LIN7A: variants seen among roughly 807,000 people sequenced by gnomAD.
LIN7A encodes the protein protein lin-7 homolog A.
In LIN7A, 25 loss-of-function variants were observed where a neutral mutation model predicts 29.8. The observed-to-expected ratio is 0.84, with a 90% confidence interval of 0.61 to 1.17. The LOEUF is 1.17. Ranked by LOEUF, LIN7A falls within the 50% of genes most tolerant of loss-of-function variation. The pLI is 0.00. For missense variants in LIN7A, 239 were observed against 287.0 expected (o/e 0.83, Z 1.21); for synonymous variants, 118 against 107.5 (o/e 1.10, Z -0.60).
At chr12:80,886,072 T>C (rs1223265388) in intron 2 of LIN7A, among the ~76,000 whole-genome samples, 1 of 152,138 alleles carries the variant, frequency 6.6e-6, no homozygotes, top group Non-Finnish European at 1.5e-5. Context: ...TCATTTTTGT[T>C]CTTTTCTCTG....
intron 1 of LIN7A, among the ~76,000 whole-genome samples, chr12:80,907,083 G>GTGTGTGTGTGTGTGTGTT (rs1313891794): frequency 6.7e-6 from 1 of 149,976 alleles, no homozygotes; most frequent in African/African-American, 2.4e-5. Flanking sequence ...GTGTGTGTGT[G>GTGTGTGTGTGTGTGTGTT]TGTGTGTGTG....
intron 1 of LIN7A, among the ~76,000 whole-genome samples, chr12:80,927,953 C>T (rs930084129): frequency 5.9e-5 from 9 of 152,000 alleles, no homozygotes; most frequent in Admixed American, 2.6e-4. Context: ...TGAGAATATG[C>T]GGTGTTTGGT....
rs1871329640 is a variant in LIN7A, at chr12:80,812,329, AAAAG to A, written c.484-650_484-647del. ...CATAAAAACATAAAGTAACTAAAAT[AAAAG>A]AAAGGTGAACATTAATCATTTTTCA... On this transcript the variant is annotated intron_variant, in intron 4 of 5. Coordinates refer to ENST00000552864, the MANE Select transcript of LIN7A (RefSeq NM_004664.4). 2.6e-5 allele frequency among the ~76,000 whole-genome samples: 4 copies of A among 152,158 alleles called. No individual in the cohort carries two copies. The South Asian group carries it at 8.3e-4, about 31-fold the overall frequency.
intron 2 of LIN7A, among the ~76,000 whole-genome samples, chr12:80,877,760 T>G (rs1341496129): frequency 6.6e-6 from 1 of 152,178 alleles, no homozygotes; most frequent in Non-Finnish European, 1.5e-5. Flanking sequence ...AATGTCTATT[T>G]GTAACTTAAC....
chr12:80,877,999 C>G (rs1358989305), intron 2 of LIN7A, among the ~76,000 whole-genome samples: 1 of 152,134 alleles, frequency 6.6e-6, no homozygotes, highest in Admixed American at 6.5e-5. Context: ...TCCAAGGACT[C>G]TATTATTTTG....
At chr12:80,929,104 A>C (rs186781906) in intron 1 of LIN7A, among the ~76,000 whole-genome samples, 6 of 152,280 alleles carry the variant, frequency 3.9e-5, no homozygotes, top group African/African-American at 1.4e-4. Context: ...TGTTGGTGCA[A>C]AAGTAATTGC....
intron 4 of LIN7A, chr12:80,841,873 G>A: frequency 9.8e-7 from 1 of 1,017,250 alleles, no homozygotes; most frequent in Non-Finnish European, 1.2e-6. Context: ...AATTCTTACT[G>A]TAACATTTTG....
intron 1 of LIN7A, among the ~76,000 whole-genome samples, chr12:80,915,446 G>T (rs78137570): frequency 6.6e-6 from 1 of 152,138 alleles, no homozygotes; most frequent in Non-Finnish European, 1.5e-5. Flanking sequence ...CAGTCCAGCC[G>T]TTCTGGAGAT....
chr12:80,878,197 G>A (rs1874817521), intron 2 of LIN7A, among the ~76,000 whole-genome samples: 1 of 152,132 alleles, frequency 6.6e-6, no homozygotes, highest in Non-Finnish European at 1.5e-5. Context: ...TGACCCATTA[G>A]TGCAATTATA....
intron 4 of LIN7A, chr12:80,841,793 TTC>T (rs1287912935): frequency 1.5e-6 from 1 of 668,148 alleles, no homozygotes; most frequent in African/African-American, 2.0e-5. Flanking sequence ...AGTCCTTGAG[TTC>T]TCTCTTAAAA....
Position 80,795,413 on chromosome 12 carries a change from T to C in LIN7A, c.*2314A>G, listed in dbSNP as rs967666439. The C allele has an allele frequency of 5.9e-5, 9 of 152,150 alleles. 1 individual carries two copies. The highest frequency in any genetic ancestry group is 5.2e-4 in the Admixed American group (8 of 15,262). 9.4% of individuals were successfully genotyped at this position (152,150 alleles called of 1,614,324 possible). On this transcript the variant is annotated 3_prime_UTR_variant, in exon 6 of 6. Transcript: ENST00000552864. ...CTTTACTTTGACAAACAATCTGGTA[T>C]GCCTTTATCAGCACTTAACATTAAC...
intron 5 of LIN7A, among the ~76,000 whole-genome samples, chr12:80,799,979 T>A (rs951400014): frequency 1.3e-5 from 2 of 151,504 alleles, no homozygotes; most frequent in Non-Finnish European, 2.9e-5. Flanking sequence ...AGACCCTTCA[T>A]CTCGAAAAAA....
chr12:80,815,359 G>T (rs1385124580), intron 4 of LIN7A, among the ~76,000 whole-genome samples: 1 of 152,198 alleles, frequency 6.6e-6, no homozygotes, highest in Non-Finnish European at 1.5e-5. Context: ...GATCTACTCA[G>T]TTAGGGTATA....
chr12:80,868,293 G>A (rs1028461691), intron 2 of LIN7A, among the ~76,000 whole-genome samples: 7 of 152,210 alleles, frequency 4.6e-5, no homozygotes, highest in Admixed American at 2.0e-4. Flanking sequence ...AACTGGCCAG[G>A]AACGGTGGCT....
At chr12:80,805,855 T>C (rs1415207054) in intron 5 of LIN7A, among the ~76,000 whole-genome samples, 1 of 151,820 alleles carries the variant, frequency 6.6e-6, no homozygotes, top group African/African-American at 2.4e-5. Flanking sequence ...CGAGATCTGA[T>C]GGGTTTATCA....
intron 1 of LIN7A, among the ~76,000 whole-genome samples, chr12:80,925,691 C>T (rs762107169): frequency 6.6e-6 from 1 of 152,118 alleles, no homozygotes; most frequent in Non-Finnish European, 1.5e-5. Flanking sequence ...GTGATTCAAA[C>T]CCAGGTAGGA....
rs1029219382 is a variant in LIN7A at position 80,794,884 on chromosome 12, C to A, written c.*2843G>T. The A allele has an allele frequency of 6.6e-6, 1 of 152,120 alleles. No individual in the cohort carries two copies. Among genetic ancestry groups the A allele is most frequent in the Admixed American group, 6.5e-5 (1 of 15,270 alleles). The allele number at this position is 152,120 out of a possible 1,614,324, so 9.4% of individuals were successfully genotyped here. A position where few individuals can be genotyped will look rare whatever the true frequency, so the allele number is the denominator to read the frequency against. On this transcript the variant is annotated 3_prime_UTR_variant, in exon 6 of 6. Transcript: ENST00000552864. ...ATGCTCCAGTGAAAAGGCTTGGAAACTCTTTTACTGAACTGTGCTCTATGT... is the reference window on the plus strand; with the variant it reads ...ATGCTCCAGTGAAAAGGCTTGGAAAATCTTTTACTGAACTGTGCTCTATGT...
chr12:80,871,060 C>T (rs765410011), intron 2 of LIN7A, among the ~76,000 whole-genome samples: 18 of 152,176 alleles, frequency 1.2e-4, no homozygotes, highest in Admixed American at 3.9e-4. Flanking sequence ...GTAACTGCTA[C>T]ATTTTTGAAG....
rs144839967 is a variant in LIN7A at position 80,904,034 on chromosome 12, T to A, written c.83-14665A>T. 7.2e-3 allele frequency among the ~76,000 whole-genome samples: 1,097 copies of A among 152,236 alleles called. 11 individuals are homozygous for A. The highest frequency in any genetic ancestry group is 0.025 in the African/African-American group (1,040 of 41,576). On this transcript the variant is annotated intron_variant, in intron 1 of 5. Coordinates refer to ENST00000552864, the MANE Select transcript of LIN7A (RefSeq NM_004664.4). ...CTGTGTTTATAACAATCTTTTAAAC[T>A]TTTTTCTATGTGGGCAAGACCATCA...
Sources: allele counts gnomAD v4.1 joint callset (sites outside exome capture counted in the v4.1 genomes callset), GRCh38; gene constraint gnomAD v4.1.1; transcripts MANE v1.5; gene names NCBI Gene and HGNC (gene_info 2026-07-23, HGNC 2026-07-21).